HDGFL3: variants seen among roughly 807,000 people sequenced by gnomAD.
HDGFL3 encodes the protein HDGF like 3, also known as hepatoma-derived growth factor-related protein 3.
A neutral mutation model predicts 27.6 loss-of-function variants in HDGFL3; 6 were observed. That is an observed-to-expected ratio of 0.22 (90% CI 0.12 to 0.43). The LOEUF (loss-of-function observed/expected upper bound fraction) is 0.43. HDGFL3 is among the 20% of genes least tolerant of loss of function. HDGFL3 has a pLI of 1.00. For synonymous variants in HDGFL3, 88 were observed against 88.9 expected, an observed-to-expected ratio of 0.99 and a Z score of 0.05; for missense variants, 207 against 250.1, an observed-to-expected ratio of 0.83 and a Z score of 1.16.
chr15:83,203,961 T>C (rs11853498), intron 1 of HDGFL3, among the ~76,000 whole-genome samples: 29,322 of 147,600 alleles, frequency 0.2, 3,053 homozygotes, highest in Non-Finnish European at 0.22. Flanking sequence ...AACATTAAGC[T>C]AGCTAATCCA....
rs532876944 is a variant in HDGFL3, at chr15:83,133,310, A to G, written c.*5960T>C. On this transcript the variant is annotated 3_prime_UTR_variant, in exon 6 of 6. Transcript: ENST00000299633. ...CAATGGTCACCTAAGTTTTCTGCCT[A>G]TAACATTCACATGGACATATAACAC... is the stretch of plus-strand genomic sequence containing the variant. 2.6e-5 allele frequency: 4 copies of G among 152,388 alleles called. No individual in the cohort carries two copies. The highest frequency in any genetic ancestry group is 4.4e-5 in the Non-Finnish European group (3 of 68,044). The allele number at this position is 152,388 out of a possible 1,614,324, so 9.4% of individuals were successfully genotyped here. A position where few individuals can be genotyped will look rare whatever the true frequency, so the allele number is the denominator to read the frequency against.
At chr15:83,192,653 C>G (rs2037525778) in intron 1 of HDGFL3, among the ~76,000 whole-genome samples, 1 of 152,154 alleles carries the variant, frequency 6.6e-6, no homozygotes, top group African/African-American at 2.4e-5. Flanking sequence ...GTTTATGTCT[C>G]AAGGATGAAA....
At chr15:83,146,059 C>A (rs1482056060) in intron 5 of HDGFL3, among the ~76,000 whole-genome samples, 1 of 151,540 alleles carries the variant, frequency 6.6e-6, no homozygotes, top group Non-Finnish European at 1.5e-5. Flanking sequence ...TACAAGTGTG[C>A]ACCACCATGC....
intron 1 of HDGFL3, among the ~76,000 whole-genome samples, chr15:83,171,027 T>A (rs74688708): frequency 0.011 from 1,683 of 152,224 alleles, 31 homozygotes; most frequent in African/African-American, 0.039. Flanking sequence ...TGAGATACTA[T>A]CTCACACCAG....
chr15:83,202,661 T>C (rs180979854), intron 1 of HDGFL3, among the ~76,000 whole-genome samples: 1 of 152,274 alleles, frequency 6.6e-6, no homozygotes, highest in East Asian at 1.9e-4. Flanking sequence ...TAAATTGAGG[T>C]ATAACTTTCA....
rs963123989 is a variant in HDGFL3 at position 83,138,491 on chromosome 15, A to G, written c.*779T>C. ...TTTAAAAGTCTACATTTAAAAGTCA[A>G]TGCTTTGTCTGGTTTCCCATAGGGC... On this transcript the variant is annotated 3_prime_UTR_variant, in exon 6 of 6. Coordinates refer to ENST00000299633, the MANE Select transcript of HDGFL3 (RefSeq NM_016073.4). 4.6e-5 allele frequency: 7 copies of G among 152,608 alleles called. No individual in the cohort carries two copies. The highest frequency in any genetic ancestry group is 2.6e-4 in the Admixed American group (4 of 15,282). 9.5% of individuals were successfully genotyped at this position (152,608 alleles called of 1,614,324 possible). A position where few individuals can be genotyped will look rare whatever the true frequency, so the allele number is the denominator to read the frequency against.
In HDGFL3 at chr15:83,137,979, T is replaced by C. The variant is rs1030811821; in HGVS notation, c.*1291A>G. The C allele has an allele frequency of 1.3e-5, 2 of 148,866 alleles. No homozygotes were observed. Among genetic ancestry groups the C allele is most frequent in the African/African-American group, 5.0e-5 (2 of 40,300 alleles). 9.2% of individuals were successfully genotyped at this position (148,866 alleles called of 1,614,324 possible). On this transcript the variant is annotated 3_prime_UTR_variant, in exon 6 of 6. Coordinates refer to ENST00000299633, the MANE Select transcript of HDGFL3 (RefSeq NM_016073.4). ...CATCATCCCCTACAGTGTTTTCAAA[T>C]AATCTAAAACCCAGAGAGTGTTTAA...
At chr15:83,205,541 C>T (rs1443326218) in intron 1 of HDGFL3, among the ~76,000 whole-genome samples, 3 of 152,162 alleles carry the variant, frequency 2.0e-5, no homozygotes, top group African/African-American at 7.2e-5. Context: ...TCACAAATTA[C>T]TACAGGTGGC....
At chr15:83,115,765 A>T (rs1236208216) in intron 3 of HDGFL3, 13 of 931,502 alleles carry the variant, frequency 1.4e-5, no homozygotes. Flanking sequence ...AAAACATTCC[A>T]TTATTATTAG....
intron 1 of HDGFL3, among the ~76,000 whole-genome samples, chr15:83,164,559 T>C (rs1226132597): frequency 6.6e-6 from 1 of 152,132 alleles, no homozygotes; most frequent in African/African-American, 2.4e-5. Flanking sequence ...TCTCCTCCCA[T>C]CCATTTAAAG....
chr15:83,168,368 C>A (rs1567171471), intron 1 of HDGFL3, among the ~76,000 whole-genome samples: 1 of 152,134 alleles, frequency 6.6e-6, no homozygotes, highest in Non-Finnish European at 1.5e-5. Flanking sequence ...AAACCAAAAG[C>A]TGGTTCTTTG....
chr15:83,139,302 A>T, intron 5 of HDGFL3, 27 bp from the exon 6 acceptor site: 1 of 1,383,516 alleles, frequency 7.2e-7, no homozygotes, highest in Non-Finnish European at 9.7e-7. Context: ...AAGAAAGAAA[A>T]CAAGCCTTTA....
chr15:83,170,781 C>T (rs1006928451), intron 1 of HDGFL3, among the ~76,000 whole-genome samples: 9 of 150,278 alleles, frequency 6.0e-5, no homozygotes, highest in African/African-American at 2.2e-4. Context: ...AGCAAACTGA[C>T]AACCTACATT....
At chr15:83,127,512 T>C, downstream of HDGFL3, 2 of 1,609,790 alleles carry the variant, frequency 1.2e-6, no homozygotes, top group Non-Finnish European at 8.5e-7. Flanking sequence ...GGTTTACTTG[T>C]GGTCTAGGTG....
At chr15:83,204,586 G>A (rs1173769682) in intron 1 of HDGFL3, among the ~76,000 whole-genome samples, 2 of 152,034 alleles carry the variant, frequency 1.3e-5, no homozygotes, top group African/African-American at 4.8e-5. Context: ...CTATATATTC[G>A]AAATTTTTCA....
chr15:83,191,934 CCTTT>C (rs1379619636), intron 1 of HDGFL3, among the ~76,000 whole-genome samples: 34 of 144,220 alleles, frequency 2.4e-4, no homozygotes, highest in African/African-American at 8.3e-4. Flanking sequence ...ACTTATCTCT[CCTTT>C]TTTTTTTTTT....
intron 1 of HDGFL3, among the ~76,000 whole-genome samples, chr15:83,182,992 T>C (rs988049812): frequency 9.9e-5 from 15 of 152,216 alleles, no homozygotes; most frequent in African/African-American, 3.6e-4. Context: ...CTTTTGTGTA[T>C]ATTTGAGTAT....
intron 1 of HDGFL3, among the ~76,000 whole-genome samples, chr15:83,187,991 T>C (rs561624885): frequency 1.8e-4 from 28 of 152,136 alleles, no homozygotes; most frequent in East Asian, 1.2e-3. Context: ...TGTTGGATCA[T>C]AGATTAGAGG....
At chr15:83,165,794 CAAAAAAAAAAAAAAAAA>C (rs57873221) in intron 1 of HDGFL3, among the ~76,000 whole-genome samples, 1 of 13,842 alleles carries the variant, frequency 7.2e-5, no homozygotes, top group Non-Finnish European at 1.8e-4. Flanking sequence ...GAATCCATCT[CAAAAAAAAAAAAAAAAA>C]AAAAAAAAAA....
Sources: gnomAD v4.1 joint callset for allele counts (sites outside exome capture counted in the v4.1 genomes callset) on GRCh38, gnomAD v4.1.1 for gene constraint, MANE v1.5 for transcripts, NCBI Gene and HGNC (gene_info 2026-07-23, HGNC 2026-07-21) for gene names.